Variants in ANKRD26 observed in about 807,000 individuals in gnomAD.
ANKRD26 encodes the protein ankyrin repeat domain-containing protein 26.
A neutral mutation model predicts 208.7 loss-of-function variants in ANKRD26; 141 were observed. The observed-to-expected ratio is 0.68, with a 90% confidence interval of 0.59 to 0.78. The LOEUF is 0.78. ANKRD26 is among the 30% of genes least tolerant of loss of function. ANKRD26 has a pLI of 0.00. For missense variants in ANKRD26, 1,889 were observed against 1,938.7 expected, an observed-to-expected ratio of 0.97 and a Z score of 0.48; for synonymous variants, 636 against 660.4, an observed-to-expected ratio of 0.96 and a Z score of 0.57.
chr10:27,016,614 G>C (rs1032633579), intron 30 of ANKRD26, among the ~76,000 whole-genome samples: 1 of 150,698 alleles, frequency 6.6e-6, no homozygotes, highest in Non-Finnish European at 1.5e-5. Context: ...AACACAAGTT[G>C]TGTTAAAGTC....
chr10:27,020,148 G>A (rs2053437510), intron 29 of ANKRD26, among the ~76,000 whole-genome samples: 1 of 151,986 alleles, frequency 6.6e-6, no homozygotes, highest in African/African-American at 2.4e-5. Flanking sequence ...ATTTTATCAT[G>A]GGATGAATTA....
the ANKRD26 span, among the ~76,000 whole-genome samples, chr10:26,963,471 C>G: frequency 6.6e-6 from 1 of 152,172 alleles, no homozygotes; most frequent in Non-Finnish European, 1.5e-5. Flanking sequence ...ACTCTGTATT[C>G]TGACGAACAC....
At chr10:27,011,604 G>A (rs766729941) in intron 32 of ANKRD26, among the ~76,000 whole-genome samples, 2 of 152,028 alleles carry the variant, frequency 1.3e-5, no homozygotes, top group African/African-American at 4.8e-5. Flanking sequence ...GAGTGAAATC[G>A]TAAGGCTGGA....
intron 16 of ANKRD26, chr10:27,051,866 G>A: frequency 2.0e-6 from 2 of 985,298 alleles, no homozygotes; most frequent in Non-Finnish European, 2.4e-6. Context: ...CAGTAATTTT[G>A]TATTTTTCAC....
rs115419631 is a variant in ANKRD26 at position 27,039,032 on chromosome 10, C to T, written c.2375+933G>A. ...AACAGGATCTAATATTTAAGTAAAC[C>T]GTAAAGAATAATATGCATTTTCAAC... On this transcript the variant is annotated intron_variant, in intron 21 of 33. Coordinates refer to ENST00000376087, the MANE Select transcript of ANKRD26 (RefSeq NM_014915.3). Among the ~76,000 whole-genome samples the T allele has an allele frequency of 4.7e-3, 708 of 151,998 alleles. 4 individuals carry two copies. Among genetic ancestry groups the T allele is most frequent in the African/African-American group, 0.016 (656 of 41,438 alleles).
intron 15 of ANKRD26, among the ~76,000 whole-genome samples, chr10:27,056,164 T>C (rs1423394388): frequency 6.6e-6 from 1 of 152,106 alleles, no homozygotes; most frequent in African/African-American, 2.4e-5. Context: ...GTACTTTCGC[T>C]AAAAATGATT....
At chr10:27,071,185 A>ATTTC (rs2055478119) in intron 9 of ANKRD26, among the ~76,000 whole-genome samples, 1 of 57,924 alleles carries the variant, frequency 1.7e-5, no homozygotes, top group Non-Finnish European at 2.8e-5. Context: ...TTTTTTTTTG[A>ATTTC]GACAGAGTCT....
Position 27,061,127 on chromosome 10 carries a change from G to A in ANKRD26, c.1462+17C>T, listed in dbSNP as rs11015496. ...GTAGAATAACAGTTAACAAAAATACGCATTTTTTTTCCATACCCATGTGGG... is the reference window on the plus strand; with the variant it reads ...GTAGAATAACAGTTAACAAAAATACACATTTTTTTTCCATACCCATGTGGG... On this transcript the variant is annotated intron_variant, in intron 13 of 33. Coordinates refer to ENST00000376087, the MANE Select transcript of ANKRD26 (RefSeq NM_014915.3). 110 of 1,527,896 alleles carry A rather than the reference G, an allele frequency of 7.2e-5. No homozygotes were observed. Among genetic ancestry groups the A allele is most frequent in the Non-Finnish European group, 9.4e-5 (104 of 1,102,518 alleles). 94.6% of individuals were successfully genotyped at this position (1,527,896 alleles called of 1,614,324 possible).
Position 27,077,672 on chromosome 10 carries a change from C to T in ANKRD26, c.835G>A (p.Ala279Thr). The T allele has an allele frequency of 6.2e-7, 1 of 1,612,916 alleles. No individual in the cohort carries two copies. Among genetic ancestry groups the T allele is most frequent in the South Asian group, 1.1e-5 (1 of 91,022 alleles). ...DTKNVPKPSL[A>T]KLMTASQQSR... ...TGCTGAGAAGCAGTCATTAGCTTTG[C>T]TAAGCTTGGTTTTGGGACATTCTAG... The change falls in exon 8 of 34, where the codon GCA becomes ACA. Residue 279 changes from alanine (A) to threonine (T), a missense_variant. Ala to Thr is a moderately conservative substitution (Grantham distance 58). This residue lies in a region of ANKRD26 where 1,272 missense variants were observed against 1,273.8 expected (regional missense o/e 1.00). Coordinates refer to ENST00000376087, the MANE Select transcript of ANKRD26 (RefSeq NM_014915.3).
intron 9 of ANKRD26, among the ~76,000 whole-genome samples, chr10:27,073,075 G>A (rs2055563916): frequency 6.6e-6 from 1 of 152,168 alleles, no homozygotes; most frequent in South Asian, 2.1e-4. Context: ...GCTACTCCCA[G>A]GGGAAGGAAT....
intron 1 of ANKRD26, among the ~76,000 whole-genome samples, chr10:27,095,203 A>T (rs2056428230): frequency 6.6e-6 from 1 of 152,242 alleles, no homozygotes; most frequent in African/African-American, 2.4e-5. Flanking sequence ...ACTTCAACAC[A>T]AAAGAAACTC....
intron 32 of ANKRD26, among the ~76,000 whole-genome samples, chr10:27,009,083 C>T (rs2053000089): frequency 6.6e-6 from 1 of 152,198 alleles, no homozygotes; most frequent in South Asian, 2.1e-4. Flanking sequence ...TCGTGATCCG[C>T]CCACCTGGGC....
At chr10:26,972,494 C>T (rs994887584), downstream of ANKRD26, among the ~76,000 whole-genome samples, 4 of 151,806 alleles carry the variant, frequency 2.6e-5, no homozygotes, top group Non-Finnish European at 4.4e-5. Context: ...GAGATACAAC[C>T]GCTTCTTGCT....
chr10:27,067,430 T>C, intron 9 of ANKRD26, 144 bp from the exon 10 acceptor site: 3 of 986,184 alleles, frequency 3.0e-6, no homozygotes, highest in Non-Finnish European at 4.4e-6. Flanking sequence ...AGTTTTTTTT[T>C]TTTAAAGAAA....
At chr10:26,984,458 T>A (rs1409196598) in intron 3 of ANKRD26, among the ~76,000 whole-genome samples, 1 of 152,212 alleles carries the variant, frequency 6.6e-6, no homozygotes, top group Non-Finnish European at 1.5e-5. Context: ...GTGCAGCACA[T>A]GAATTAGTCA....
chr10:27,019,156 T>TGTAG (rs1288803290), intron 29 of ANKRD26, among the ~76,000 whole-genome samples: 1 of 152,018 alleles, frequency 6.6e-6, no homozygotes, highest in Non-Finnish European at 1.5e-5. Context: ...GGTGGGCACC[T>TGTAG]GTAGTCCCAG....
intron 2 of ANKRD26, 23 bp from the exon 3 acceptor site, chr10:27,093,545 C>T (rs1258789004): frequency 1.9e-6 from 3 of 1,613,676 alleles, no homozygotes; most frequent in Admixed American, 1.7e-5. Flanking sequence ...GACCAAGAAA[C>T]AGATCATAAA....
intron 25 of ANKRD26, among the ~76,000 whole-genome samples, chr10:27,031,086 A>G (rs1466302183): frequency 6.6e-6 from 1 of 152,220 alleles, no homozygotes; most frequent in African/African-American, 2.4e-5. Flanking sequence ...AGGAGGGGGA[A>G]TTGTGTGCCA....
chr10:26,981,488 G>C (rs1362299660), intron 4 of ANKRD26, among the ~76,000 whole-genome samples: 1 of 152,122 alleles, frequency 6.6e-6, no homozygotes, highest in African/African-American at 2.4e-5. Context: ...TGCGCAGTAG[G>C]GCTGTGTGTC....
Sources: allele counts gnomAD v4.1 joint callset (sites outside exome capture counted in the v4.1 genomes callset), GRCh38; gene constraint gnomAD v4.1.1; regional missense constraint gnomAD v4.1.1; transcripts MANE v1.5; gene names NCBI Gene and HGNC (gene_info 2026-07-23, HGNC 2026-07-21).